Variants in HOGA1 observed in about 807,000 individuals in gnomAD.
HOGA1 encodes 4-hydroxy-2-oxoglutarate aldolase, mitochondrial.
HOGA1 carries 30 observed loss-of-function variants against 34.3 expected under a neutral mutation model. The ratio of observed to expected loss-of-function variants is 0.87; its 90% CI spans 0.65 to 1.19. HOGA1 has a LOEUF of 1.19. Among genes scored for constraint, HOGA1 ranks in the 50% most tolerant of loss-of-function variants. The probability of loss-of-function intolerance (pLI) is 0.00; values close to 1 mark genes in which losing one functional copy is unlikely to be tolerated. For missense variants in HOGA1, 417 were observed against 436.5 expected (o/e 0.96, Z 0.40); for synonymous variants, 161 against 174.0 (o/e 0.93, Z 0.59).
At chr10:97,598,383 A>G (rs1050434565) in intron 1 of HOGA1, among the ~76,000 whole-genome samples, 14 of 152,266 alleles carry the variant, frequency 9.2e-5, no homozygotes, top group Non-Finnish European at 1.6e-4. Context: ...ATTAAAATGA[A>G]TGAATCAGGG....
chr10:97,589,699 T>G (rs1589902109), intron 1 of HOGA1: 1 of 476,890 alleles, frequency 2.1e-6, no homozygotes, highest in South Asian at 2.2e-5. Context: ...CTAGGGAGGG[T>G]GCAGCAGGGG....
chr10:97,602,056 G>C, intron 6 of HOGA1, 66 bp downstream of exon 6: 1 of 1,564,724 alleles, frequency 6.4e-7, no homozygotes, highest in Non-Finnish European at 8.7e-7. Context: ...CATTGGAGCA[G>C]GACCCAGGGC....
chr10:97,590,310 G>A (rs1202379899), intron 1 of HOGA1: 2 of 1,613,792 alleles, frequency 1.2e-6, no homozygotes, highest in Admixed American at 3.3e-5. Context: ...GACACCCAGG[G>A]GCGGCACCTG....
Position 97,599,806 on chromosome 10 carries a change from G to A in HOGA1, c.595G>A (p.Gly199Ser), listed in dbSNP as rs375436098. 114 of 1,614,082 alleles carry A rather than the reference G, an allele frequency of 7.1e-5. No individual in the cohort carries two copies. The highest frequency in any genetic ancestry group is 8.6e-5 in the Non-Finnish European group (102 of 1,180,046). ...HPNIVGMKDSGGDVTRIGLIV... is the reference protein window; with the variant it reads ...HPNIVGMKDSSGDVTRIGLIV... Reference sequence around the variant, plus strand: ...GAATATTGTGGGCATGAAGGACAGCGGTGGTGATGTGAGTGGCAGCAGCTC... The same window carrying A: ...GAATATTGTGGGCATGAAGGACAGCAGTGGTGATGTGAGTGGCAGCAGCTC... Residue 199 changes from glycine to serine, a missense_variant, in exon 4 of 7, where the codon GGT (glycine) becomes AGT (serine). By Grantham distance (56) the Gly-to-Ser change is moderately conservative (BLOSUM62 0). Coordinates refer to ENST00000370646, the MANE Select transcript of HOGA1 (RefSeq NM_138413.4).
At chr10:97,597,783 C>T (rs2041082487) in intron 1 of HOGA1, among the ~76,000 whole-genome samples, 1 of 151,978 alleles carries the variant, frequency 6.6e-6, no homozygotes, top group Non-Finnish European at 1.5e-5. Context: ...AGTGAAACTC[C>T]ATCTCTACAA....
chr10:97,598,682 T>C, intron 1 of HOGA1, 93 bp from the exon 2 acceptor site: 1 of 1,468,734 alleles, frequency 6.8e-7, no homozygotes. Flanking sequence ...GAAGGAAATG[T>C]GTGAAAGATT....
At chr10:97,597,711 T>A (rs986561455) in intron 1 of HOGA1, among the ~76,000 whole-genome samples, 8 of 152,136 alleles carry the variant, frequency 5.3e-5, no homozygotes, top group Non-Finnish European at 1.2e-4. Flanking sequence ...ATCCCAGCAC[T>A]TCTGGAGGCT....
intron 1 of HOGA1, among the ~76,000 whole-genome samples, chr10:97,596,554 G>T (rs1219385163): frequency 2.0e-5 from 3 of 152,158 alleles, no homozygotes; most frequent in Admixed American, 6.5e-5. Context: ...TTTACGGAGA[G>T]CACTGCAGCC....
At chr10:97,592,660 G>C (rs1021897120) in intron 1 of HOGA1, among the ~76,000 whole-genome samples, 4 of 151,978 alleles carry the variant, frequency 2.6e-5, no homozygotes, top group African/African-American at 9.7e-5. Context: ...TTTGATTATC[G>C]TTGTAATGCA....
intron 6 of HOGA1, among the ~76,000 whole-genome samples, chr10:97,605,099 G>A (rs892668574): frequency 6.6e-6 from 1 of 152,068 alleles, no homozygotes; most frequent in African/African-American, 2.4e-5. Context: ...ATAGGGTAGT[G>A]GTATGTTTCA....
Position 97,612,367 on chromosome 10 carries a change from G to C in HOGA1, c.*708G>C, listed in dbSNP as rs1387711835. ...AACCTGAGTCTAGCACAATGCAGCT[G>C]GAGGCCAGGGCTACTCCTACAAACC... On this transcript the variant is annotated 3_prime_UTR_variant, in exon 7 of 7. Transcript: ENST00000370646. 6.6e-6 allele frequency: 1 copy of C among 152,140 alleles called. No individual in the cohort carries two copies. The highest frequency in any genetic ancestry group is 6.6e-5 in the Admixed American group (1 of 15,254). The allele number at this position is 152,140 out of a possible 1,614,324, so 9.4% of individuals were successfully genotyped here.
In HOGA1 at chr10:97,612,614, T is replaced by A. The variant is rs1323745465; in HGVS notation, c.*955T>A. On this transcript the variant is annotated 3_prime_UTR_variant, in exon 7 of 7. Transcript: ENST00000370646. ...GAATGCACGGAGACAGCCCAGTGGCTTGTCAGATTGGTAAATAATGACACC... is the reference window on the plus strand; with the variant it reads ...GAATGCACGGAGACAGCCCAGTGGCATGTCAGATTGGTAAATAATGACACC... 6.6e-6 allele frequency: 1 copy of A among 152,218 alleles called. No homozygotes were observed. The highest frequency in any genetic ancestry group is 1.5e-5 in the Non-Finnish European group (1 of 68,044). The allele number at this position is 152,218 out of a possible 1,614,324, so 9.4% of individuals were successfully genotyped here. A position where few individuals can be genotyped will look rare whatever the true frequency, so the allele number is the denominator to read the frequency against.
chr10:97,593,050 A>G lies in HOGA1; in HGVS notation c.212-5725A>G, dbSNP rs1056781768. Among the ~76,000 whole-genome samples, 23 of 150,900 alleles carry G rather than the reference A, an allele frequency of 1.5e-4. No individual in the cohort carries two copies. The South Asian group carries it at 3.4e-3, about 22-fold the overall frequency. ...GTCTCAAAAAAAAAAAAAAAAAAAA[A>G]AGAGAATGGTCAGATCACTCACTGT... On this transcript the variant is annotated intron_variant, in intron 1 of 6. Transcript: ENST00000370646.
At chr10:97,591,649 G>C (rs553965494) in intron 1 of HOGA1, among the ~76,000 whole-genome samples, 78 of 151,916 alleles carry the variant, frequency 5.1e-4, no homozygotes, top group African/African-American at 1.8e-3. Flanking sequence ...TTTGAGACAG[G>C]GTTTCACTCC....
In HOGA1 at chr10:97,591,791, A is replaced by AT. The variant is rs56897479; in HGVS notation, c.211+6889dup. Among the ~76,000 whole-genome samples the AT allele has an allele frequency of 2.0e-3, 215 of 107,458 alleles. 2 individuals are homozygous for AT. The highest frequency in any genetic ancestry group is 3.3e-3 in the Non-Finnish European group (165 of 49,506). 70.5% of individuals were successfully genotyped at this position (107,458 alleles called of 152,430 possible). ...AGGTGTGTGGAACCACACCTGGCTA[A>AT]TTTTTTTTTTTTCTTTTCTTTCATT... On this transcript the variant is annotated intron_variant, in intron 1 of 6. Coordinates refer to ENST00000370646, the MANE Select transcript of HOGA1 (RefSeq NM_138413.4).
At position 97,611,798 on chromosome 10, in the gene HOGA1, T is replaced by C. The variant is rs571995866; in HGVS notation, c.*139T>C. The C allele has an allele frequency of 1.1e-5, 11 of 1,043,574 alleles. No individual in the cohort carries two copies. Among genetic ancestry groups the C allele is most frequent in the Non-Finnish European group, 1.5e-5 (11 of 712,260 alleles). 64.6% of individuals were successfully genotyped at this position (1,043,574 alleles called of 1,614,324 possible). A position where few individuals can be genotyped will look rare whatever the true frequency, so the allele number is the denominator to read the frequency against. On this transcript the variant is annotated 3_prime_UTR_variant, in exon 7 of 7. Transcript: ENST00000370646. ...GAGGCTCCTTTGCCTGCTGTGGTCCTCCAGGCAGCCTTTCACAGGCACGCC... is the reference window on the plus strand; with the variant it reads ...GAGGCTCCTTTGCCTGCTGTGGTCCCCCAGGCAGCCTTTCACAGGCACGCC...
Position 97,598,837 on chromosome 10 carries a change from G to T in HOGA1, c.274G>T (p.Val92Leu). 2 of 1,614,196 alleles carry T rather than the reference G, an allele frequency of 1.2e-6. No homozygotes were observed. The highest frequency in any genetic ancestry group is 1.7e-6 in the Non-Finnish European group (2 of 1,180,032). Residue 92 changes from valine (V) to leucine (L), a missense_variant, in exon 2 of 7, where the codon GTG becomes TTG. Transcript: ENST00000370646. ...CCTGACCAGCAGTGAGCGCCTCGAG[G>T]TGGTGAGCCGTGTGCGCCAGGCCAT... is the stretch of plus-strand genomic sequence containing the variant. ...PFLTSSERLE[V>L]VSRVRQAMPK...
rs753833846 is a variant in HOGA1 at position 97,600,178 on chromosome 10, G to T, written c.700+15G>T. The T allele has an allele frequency of 1.9e-6, 3 of 1,606,862 alleles. No homozygotes were observed. The highest frequency in any genetic ancestry group is 2.2e-5 in the East Asian group (1 of 44,830). On this transcript the variant is annotated intron_variant, in intron 5 of 6. Transcript: ENST00000370646. ...CTATGCCTTGGGTAGGCCGCCCACTGCTCTCAAATTGTCATGGGTGACCAA... is the reference window on the plus strand; with the variant it reads ...CTATGCCTTGGGTAGGCCGCCCACTTCTCTCAAATTGTCATGGGTGACCAA...
At chr10:97,604,518 C>T in intron 6 of HOGA1, among the ~76,000 whole-genome samples, 1 of 152,062 alleles carries the variant, frequency 6.6e-6, no homozygotes, top group Non-Finnish European at 1.5e-5. Context: ...GAGACAAGGT[C>T]TCGCTATGTT....
Sources: allele counts gnomAD v4.1 joint callset (sites outside exome capture counted in the v4.1 genomes callset), GRCh38; gene constraint gnomAD v4.1.1; transcripts MANE v1.5; gene names NCBI Gene and HGNC (gene_info 2026-07-23, HGNC 2026-07-21).